LRRIQ1: variants seen among roughly 807,000 people sequenced by gnomAD.
LRRIQ1 encodes the protein leucine rich repeats and IQ motif containing 1.
In LRRIQ1, 210 loss-of-function variants were observed where a neutral mutation model predicts 211.9. The observed-to-expected ratio is 0.99, with a 90% CI of 0.89 to 1.11. The LOEUF (loss-of-function observed/expected upper bound fraction) is 1.11. Ranked by LOEUF, LRRIQ1 falls within the 50% of genes most tolerant of loss-of-function variation. The probability of loss-of-function intolerance (pLI) is 0.00; values close to 1 mark genes in which losing one functional copy is unlikely to be tolerated. For synonymous variants in LRRIQ1, 699 were observed against 650.1 expected, an observed-to-expected ratio of 1.08 and a Z score of -1.14; for missense variants, 2,136 against 1,939.5, an observed-to-expected ratio of 1.10 and a Z score of -1.90.
intron 15 of LRRIQ1, among the ~76,000 whole-genome samples, chr12:85,108,219 G>A (rs1322068305): frequency 6.6e-6 from 1 of 152,100 alleles, no homozygotes; most frequent in Admixed American, 6.6e-5. Flanking sequence ...TACTTTCTAA[G>A]CTTGCTTTTA....
rs1230005788 is a variant in LRRIQ1, at chr12:85,193,081, T to C, written c.4822+32367T>C. 2.5e-5 allele frequency among the ~76,000 whole-genome samples: 3 copies of C among 119,114 alleles called. No homozygotes were observed. In the Admixed American group the frequency reaches 3.5e-4, roughly 14 times the overall value. 78.1% of individuals were successfully genotyped at this position (119,114 alleles called of 152,430 possible). On this transcript the variant is annotated intron_variant, in intron 24 of 26. Coordinates refer to ENST00000393217, the MANE Select transcript of LRRIQ1 (RefSeq NM_001079910.2). Reference sequence around the variant, plus strand: ...ATAAATATTATATTATATTTTATTATATATAATTATATATATTTATATATA... The same window carrying C: ...ATAAATATTATATTATATTTTATTACATATAATTATATATATTTATATATA...
At chr12:85,058,205 G>A (rs1329450212) in intron 8 of LRRIQ1, among the ~76,000 whole-genome samples, 2 of 151,958 alleles carry the variant, frequency 1.3e-5, no homozygotes, top group Non-Finnish European at 2.9e-5. Flanking sequence ...TCTGGTATAT[G>A]AAATAGCAAT....
At chr12:85,215,289 A>T (rs1190101068) in intron 24 of LRRIQ1, among the ~76,000 whole-genome samples, 2 of 152,184 alleles carry the variant, frequency 1.3e-5, no homozygotes, top group African/African-American at 2.4e-5. Context: ...ATCCTCCTTC[A>T]AGCAACACTC....
intron 11 of LRRIQ1, among the ~76,000 whole-genome samples, chr12:85,088,357 T>C (rs1885046653): frequency 6.6e-6 from 1 of 152,214 alleles, no homozygotes; most frequent in South Asian, 2.1e-4. Flanking sequence ...AGGCTTGTGA[T>C]GTAGTTTGAA....
intron 16 of LRRIQ1, among the ~76,000 whole-genome samples, chr12:85,122,859 C>T (rs1888086391): frequency 1.3e-5 from 2 of 151,906 alleles, no homozygotes; most frequent in South Asian, 4.1e-4. Flanking sequence ...TGGTAATATA[C>T]AATTTTGTAT....
At chr12:85,262,116 G>A (rs1896318252) in intron 1 of LRRIQ1, among the ~76,000 whole-genome samples, 1 of 152,096 alleles carries the variant, frequency 6.6e-6, no homozygotes, top group African/African-American at 2.4e-5. Context: ...TCTTGATATG[G>A]CATCCTGGGG....
At chr12:85,046,553 T>C (rs572701872) in intron 5 of LRRIQ1, among the ~76,000 whole-genome samples, 5 of 152,348 alleles carry the variant, frequency 3.3e-5, no homozygotes, top group East Asian at 1.9e-4. Context: ...TTGTTGCATA[T>C]TCTCGCTTTG....
intron 7 of LRRIQ1, among the ~76,000 whole-genome samples, chr12:85,054,237 A>G (rs1880702584): frequency 6.6e-6 from 1 of 152,196 alleles, no homozygotes; most frequent in African/African-American, 2.4e-5. Flanking sequence ...CACAATTTCC[A>G]AGGAGGAGAG....
chr12:85,237,030 C>A (rs1215038249), intron 26 of LRRIQ1, among the ~76,000 whole-genome samples: 1 of 151,288 alleles, frequency 6.6e-6, no homozygotes, highest in Non-Finnish European at 1.5e-5. Flanking sequence ...AGATTAAAAC[C>A]ATGCAGAAAA....
intron 26 of LRRIQ1, among the ~76,000 whole-genome samples, chr12:85,236,836 T>TATATATATA: frequency 7.1e-6 from 1 of 140,792 alleles, no homozygotes; most frequent in Non-Finnish European, 1.5e-5. Context: ...TGTGCATATA[T>TATATATATA]ATATATATAT....
rs1261070192 is a variant in LRRIQ1, at chr12:85,047,242, T to G, written c.455-5T>G. The G allele has an allele frequency of 1.9e-6, 3 of 1,576,970 alleles. No individual in the cohort carries two copies. In the East Asian group the frequency reaches 6.7e-5, roughly 35 times the overall value. On this transcript the variant is annotated splice_polypyrimidine_tract_variant and splice_region_variant and intron_variant, in intron 5 of 26. Transcript: ENST00000393217. ...TGATGATGTTATTTTTCTTCATGAGTGCAGATGATGCTGATATAAATTTTG... is the reference window on the plus strand; with the variant it reads ...TGATGATGTTATTTTTCTTCATGAGGGCAGATGATGCTGATATAAATTTTG...
At position 85,065,257 on chromosome 12, in the gene LRRIQ1, T is replaced by C. The variant is rs756763288; in HGVS notation, c.2392-5T>C. The C allele has an allele frequency of 1.2e-6, 2 of 1,602,998 alleles. No individual in the cohort carries two copies. Among genetic ancestry groups the C allele is most frequent in the South Asian group, 1.1e-5 (1 of 89,742 alleles). On this transcript the variant is annotated splice_region_variant and splice_polypyrimidine_tract_variant and intron_variant, in intron 8 of 26. Coordinates refer to ENST00000393217, the MANE Select transcript of LRRIQ1 (RefSeq NM_001079910.2). Reference sequence around the variant, plus strand: ...TACACACTCCAATTTTCTTGGTTCCTCTAGGTTACAACAGTTACATTTCAA... The same window carrying C: ...TACACACTCCAATTTTCTTGGTTCCCCTAGGTTACAACAGTTACATTTCAA...
intron 8 of LRRIQ1, among the ~76,000 whole-genome samples, chr12:85,063,835 A>G (rs1301152833): frequency 1.3e-5 from 2 of 151,538 alleles, no homozygotes; most frequent in Admixed American, 6.6e-5. Flanking sequence ...ATGACTTCCA[A>G]TTTTATCTAT....
At chr12:85,198,210 G>A (rs1893098178) in intron 24 of LRRIQ1, among the ~76,000 whole-genome samples, 1 of 132,700 alleles carries the variant, frequency 7.5e-6, no homozygotes. Context: ...CTGGAATACT[G>A]TTGATGGGCA....
intron 19 of LRRIQ1, among the ~76,000 whole-genome samples, chr12:85,141,538 C>T (rs1889532317): frequency 6.9e-6 from 1 of 145,502 alleles, no homozygotes; most frequent in South Asian, 2.1e-4. Context: ...TAACTAATTG[C>T]TTAAGGGCCA....
At chr12:85,183,755 C>G in intron 24 of LRRIQ1, among the ~76,000 whole-genome samples, 1 of 151,746 alleles carries the variant, frequency 6.6e-6, no homozygotes, top group Non-Finnish European at 1.5e-5. Context: ...TTTATTGCAC[C>G]CAACTGCCAA....
chr12:85,087,037 G>A (rs1459435329), intron 11 of LRRIQ1, among the ~76,000 whole-genome samples: 3 of 151,916 alleles, frequency 2.0e-5, no homozygotes, highest in Admixed American at 6.6e-5. Flanking sequence ...TTGGTGTACT[G>A]CACCCATTAA....
chr12:85,036,929 A>G (rs1039452807), intron 1 of LRRIQ1, among the ~76,000 whole-genome samples: 20 of 152,092 alleles, frequency 1.3e-4, no homozygotes, highest in Non-Finnish European at 4.4e-5. Context: ...AGTGAGACCC[A>G]TCCATGACTG....
chr12:85,246,577 C>T (rs979171202), downstream of LRRIQ1, among the ~76,000 whole-genome samples: 2 of 151,394 alleles, frequency 1.3e-5, no homozygotes, highest in Non-Finnish European at 3.0e-5. Flanking sequence ...ATGCAAGTTT[C>T]ATCATTCACT....
Sources: gnomAD v4.1 joint callset for allele counts (sites outside exome capture counted in the v4.1 genomes callset) on GRCh38, gnomAD v4.1.1 for gene constraint, MANE v1.5 for transcripts, NCBI Gene and HGNC (gene_info 2026-07-23, HGNC 2026-07-21) for gene names.